RTF2: variants seen among roughly 807,000 people sequenced by gnomAD.
RTF2 encodes UPF0549 protein C20orf43.
Under a neutral mutation model 38.0 loss-of-function variants are expected in RTF2, and 18 were observed. That is an observed-to-expected ratio of 0.47 (90% CI 0.33 to 0.70). RTF2 has a LOEUF of 0.70. RTF2 is among the 30% of genes least tolerant of loss of function. The pLI, the probability that RTF2 is intolerant of heterozygous loss-of-function variation, is 0.02. For missense variants in RTF2, 311 were observed against 379.6 expected (o/e 0.82, Z 1.50); for synonymous variants, 126 against 137.1 (o/e 0.92, Z 0.57).
chr20:56,477,818 GT>G (rs1368111381), intron 4 of RTF2, among the ~76,000 whole-genome samples: 5 of 152,218 alleles, frequency 3.3e-5, no homozygotes, highest in African/African-American at 1.2e-4. Flanking sequence ...AATGCCAAAA[GT>G]TATGCAGTAA....
Position 56,517,121 on chromosome 20 carries a change from CA to C in RTF2, c.666del (p.Val223LeufsTer27). 6.2e-7 allele frequency: 1 copy of C among 1,614,122 alleles called. No individual in the cohort carries two copies. Among genetic ancestry groups the C allele is most frequent in the Non-Finnish European group, 8.5e-7 (1 of 1,180,022 alleles). ...TCTTTTACAGAAGCCCCAGGGCCATCAAAAGTTAAGACAGGGAAGCCTGAAG... is the reference window on the plus strand; with the variant it reads ...TCTTTTACAGAAGCCCCAGGGCCATCAAAGTTAAGACAGGGAAGCCTGAAG... ...PDVSEEAPGP[S>X]KVKTGKPEEA... On this transcript the variant is annotated frameshift_variant, in exon 8 of 9. Transcript: ENST00000357348. LOFTEE classifies it high-confidence loss of function.
intron 5 of RTF2, among the ~76,000 whole-genome samples, chr20:56,484,622 G>A (rs1177283566): frequency 1.3e-5 from 2 of 152,158 alleles, no homozygotes; most frequent in East Asian, 3.9e-4. Flanking sequence ...AGTTTTTGAG[G>A]GTAGGAAACA....
intron 5 of RTF2, among the ~76,000 whole-genome samples, chr20:56,493,877 T>C (rs1983334394): frequency 6.6e-6 from 1 of 152,202 alleles, no homozygotes. Context: ...TTGCTGGTTC[T>C]AATGGGATAG....
At chr20:56,512,334 G>A (rs1031738133) in intron 5 of RTF2, among the ~76,000 whole-genome samples, 3 of 152,098 alleles carry the variant, frequency 2.0e-5, no homozygotes, top group African/African-American at 7.2e-5. Flanking sequence ...GCTGTGCTAG[G>A]CACTGGGTAG....
intron 5 of RTF2, chr20:56,497,109 G>C: frequency 1.3e-6 from 2 of 1,551,578 alleles, no homozygotes; most frequent in Non-Finnish European, 1.7e-6. Context: ...TGTCTTGGAG[G>C]AAATAAAAAC....
chr20:56,514,593 CAG>C (rs1326850091), intron 6 of RTF2, among the ~76,000 whole-genome samples: 30 of 152,032 alleles, frequency 2.0e-4, no homozygotes, highest in Admixed American at 1.6e-3. Context: ...CATAACAAGA[CAG>C]GACCGTATCA....
chr20:56,491,128 G>T (rs1983101480), intron 5 of RTF2, among the ~76,000 whole-genome samples: 1 of 152,224 alleles, frequency 6.6e-6, no homozygotes, highest in Admixed American at 6.5e-5. Context: ...TACATTGCTT[G>T]CAGCCAATGA....
chr20:56,486,860 C>T (rs934271166), intron 5 of RTF2, among the ~76,000 whole-genome samples: 1 of 152,062 alleles, frequency 6.6e-6, no homozygotes, highest in African/African-American at 2.4e-5. Context: ...GCAGAAGCAG[C>T]CGGGCAGCCA....
At chr20:56,485,102 A>ACTCTC in intron 5 of RTF2, among the ~76,000 whole-genome samples, 1 of 152,224 alleles carries the variant, frequency 6.6e-6, no homozygotes, top group East Asian at 1.9e-4. Flanking sequence ...CCTCAAGTAG[A>ACTCTC]TGAGCAAGGC....
intron 5 of RTF2, among the ~76,000 whole-genome samples, chr20:56,504,525 A>G (rs1984134124): frequency 6.6e-6 from 1 of 152,220 alleles, no homozygotes; most frequent in African/African-American, 2.4e-5. Context: ...AAAAATCCAG[A>G]CATTTTACAA....
chr20:56,480,772 G>A (rs1678437298), intron 4 of RTF2, among the ~76,000 whole-genome samples: 1 of 152,156 alleles, frequency 6.6e-6, no homozygotes, highest in Non-Finnish European at 1.5e-5. Flanking sequence ...GAGAGAGATG[G>A]GGGAATGGCC....
At chr20:56,471,188 A>G (rs542686906) in intron 1 of RTF2, among the ~76,000 whole-genome samples, 2 of 152,320 alleles carry the variant, frequency 1.3e-5, no homozygotes, top group African/African-American at 4.8e-5. Context: ...GGCTGCTATC[A>G]GAGAATTGGT....
chr20:56,470,178 A>T (rs1415165426), intron 1 of RTF2, among the ~76,000 whole-genome samples: 1 of 152,252 alleles, frequency 6.6e-6, no homozygotes, highest in Non-Finnish European at 1.5e-5. Flanking sequence ...ACGTACATGT[A>T]AACAGGCGAA....
chr20:56,505,485 C>CTCATAA (rs1404692020), intron 5 of RTF2, among the ~76,000 whole-genome samples: 1 of 36,284 alleles, frequency 2.8e-5, no homozygotes, highest in African/African-American at 1.3e-4. Flanking sequence ...GAGATGCCAT[C>CTCATAA]TCATAATAAT....
In RTF2 at chr20:56,491,508, G is replaced by A. The variant is rs1428052775; in HGVS notation, c.477+7319G>A. Reference sequence around the variant, plus strand: ...CACTTCTTTGGTTCAATGTTCTCTTGTTTCAAGTCAAGGAAACAGAATGAT... The same window carrying A: ...CACTTCTTTGGTTCAATGTTCTCTTATTTCAAGTCAAGGAAACAGAATGAT... On this transcript the variant is annotated intron_variant, in intron 5 of 8. Coordinates refer to ENST00000357348, the MANE Select transcript of RTF2 (RefSeq NM_016407.5). The A allele has an allele frequency of 5.1e-6, 6 of 1,175,758 alleles. No individual in the cohort carries two copies. In the African/African-American group the frequency reaches 6.1e-5, roughly 12 times the overall value. The allele number at this position is 1,175,758 out of a possible 1,614,324, so 72.8% of individuals were successfully genotyped here. A position where few individuals can be genotyped will look rare whatever the true frequency, so the allele number is the denominator to read the frequency against.
chr20:56,484,749 G>A (rs527274498), intron 5 of RTF2, among the ~76,000 whole-genome samples: 10 of 152,208 alleles, frequency 6.6e-5, no homozygotes, highest in African/African-American at 1.9e-4. Context: ...CTCAGCTCAC[G>A]TGGAGGAAAT....
rs755323807 is a variant in RTF2 at position 56,468,655 on chromosome 20, A to T, written c.-43A>T. On this transcript the variant is annotated 5_prime_UTR_variant, in exon 1 of 9. Coordinates refer to ENST00000357348, the MANE Select transcript of RTF2 (RefSeq NM_016407.5). The stretch of plus-strand genomic sequence containing the variant: ...GATTTCGCCGGAAATCCCGGAAGTG[A>T]CAGCTTTGGGGGTTTGCTGCTGGCT... The T allele has an allele frequency of 4.6e-6, 7 of 1,533,670 alleles. No homozygotes were observed. Among genetic ancestry groups the T allele is most frequent in the Admixed American group, 3.9e-5 (2 of 50,784 alleles).
Position 56,468,714 on chromosome 20 carries a change from GAACAATCCCC to G in RTF2, c.20_29del (p.Thr7ArgfsTer6). 1 of 1,587,046 alleles carries G rather than the reference GAACAATCCCC, an allele frequency of 6.3e-7. No homozygotes were observed. The highest frequency in any genetic ancestry group is 8.6e-7 in the Non-Finnish European group (1 of 1,166,818). On this transcript the variant is annotated frameshift_variant, in exon 1 of 9. Transcript: ENST00000357348. LOFTEE classifies it high-confidence loss of function. Reference sequence around the variant, plus strand: ...CGTCCTGCGATGGGTTGCGACGGGGGAACAATCCCCAAGAGGCATGAACTGGTGAAGGGGC... The same window carrying G: ...CGTCCTGCGATGGGTTGCGACGGGGGAAGAGGCATGAACTGGTGAAGGGGC...
chr20:56,495,048 A>T lies in RTF2; in HGVS notation c.477+10859A>T, dbSNP rs528720537. ...TGAATCTTATATAAAAAGTTTTTTT[A>T]AAAAATTGACTCAACCTATACTAAT... On this transcript the variant is annotated intron_variant, in intron 5 of 8. Coordinates refer to ENST00000357348, the MANE Select transcript of RTF2 (RefSeq NM_016407.5). 3.2e-4 allele frequency among the ~76,000 whole-genome samples: 49 copies of T among 152,306 alleles called. 1 individual carries two copies. In the East Asian group the frequency reaches 6.0e-3, roughly 19 times the overall value.
Sources: gnomAD v4.1 joint callset for allele counts (sites outside exome capture counted in the v4.1 genomes callset) on GRCh38, gnomAD v4.1.1 for gene constraint, MANE v1.5 for transcripts, NCBI Gene and HGNC (gene_info 2026-07-23, HGNC 2026-07-21) for gene names.